DENND5B: variants seen among roughly 807,000 people sequenced by gnomAD.
DENND5B encodes DENN domain containing 5B.
A neutral mutation model predicts 140.6 loss-of-function variants in DENND5B; 34 were observed. The ratio of observed to expected loss-of-function variants is 0.24; its 90% confidence interval spans 0.18 to 0.32. The LOEUF is 0.32. Ranked by LOEUF, DENND5B falls within the 10% of genes least tolerant of loss-of-function variation. DENND5B has a pLI of 1.00. For missense variants in DENND5B, 1,142 were observed against 1,560.2 expected, an observed-to-expected ratio of 0.73 and a Z score of 4.52; for synonymous variants, 551 against 562.1, an observed-to-expected ratio of 0.98 and a Z score of 0.28.
In DENND5B at chr12:31,439,838, G is replaced by A. The variant is rs548032454; in HGVS notation, c.2012+2937C>T. ...CAGCTACTCAGGGAGGCTGAGGCAG[G>A]AGAATCGCTTGAACCTGGGAGGTGG... On this transcript the variant is annotated intron_variant, in intron 7 of 20. Coordinates refer to ENST00000389082, the MANE Select transcript of DENND5B (RefSeq NM_144973.4). Among the ~76,000 whole-genome samples, 10 of 143,392 alleles carry A rather than the reference G, an allele frequency of 7.0e-5. No homozygotes were observed. The South Asian group carries it at 2.1e-3, about 30-fold the overall frequency. 94.1% of individuals were successfully genotyped at this position (143,392 alleles called of 152,430 possible). A position where few individuals can be genotyped will look rare whatever the true frequency, so the allele number is the denominator to read the frequency against.
chr12:31,570,063 C>G (rs1268875941), intron 1 of DENND5B, among the ~76,000 whole-genome samples: 1 of 150,448 alleles, frequency 6.6e-6, no homozygotes, highest in Non-Finnish European at 1.5e-5. Flanking sequence ...GGCATGGTGG[C>G]GGGTGCCTGT....
At chr12:31,476,494 A>C (rs1268483809) in intron 3 of DENND5B, among the ~76,000 whole-genome samples, 1 of 151,866 alleles carries the variant, frequency 6.6e-6, no homozygotes, top group Admixed American at 6.6e-5. Flanking sequence ...AAAAAAAAAA[A>C]ACCCAAACTA....
intron 1 of DENND5B, among the ~76,000 whole-genome samples, chr12:31,538,978 A>T (rs1350870618): frequency 6.6e-6 from 1 of 151,976 alleles, no homozygotes; most frequent in Non-Finnish European, 1.5e-5. Flanking sequence ...TTTTGAAAAA[A>T]AAAATTGACA....
intron 1 of DENND5B, among the ~76,000 whole-genome samples, chr12:31,546,504 T>C (rs912585503): frequency 2.0e-5 from 3 of 152,102 alleles, no homozygotes; most frequent in Non-Finnish European, 4.4e-5. Flanking sequence ...CTGACCAACA[T>C]GGTGAAACCA....
In DENND5B at chr12:31,385,641, T is replaced by C. The variant is rs181635467; in HGVS notation, c.*1962A>G. On this transcript the variant is annotated 3_prime_UTR_variant, in exon 21 of 21. Transcript: ENST00000389082. Reference sequence around the variant, plus strand: ...CTTTAGCTTCAGGCAAACAAATTTCTGGTGTACCCAGAACCATTTTCTTAA... The same window carrying C: ...CTTTAGCTTCAGGCAAACAAATTTCCGGTGTACCCAGAACCATTTTCTTAA... The C allele has an allele frequency of 6.6e-6, 1 of 152,360 alleles. No homozygotes were observed. Among genetic ancestry groups the C allele is most frequent in the Admixed American group, 6.5e-5 (1 of 15,290 alleles). The allele number at this position is 152,360 out of a possible 1,614,324, so 9.4% of individuals were successfully genotyped here.
intron 16 of DENND5B, 52 bp downstream of exon 16, chr12:31,399,602 C>T (rs1941692785): frequency 6.9e-7 from 1 of 1,442,924 alleles, no homozygotes; most frequent in Non-Finnish European, 9.6e-7. Flanking sequence ...CCTTTTCTTA[C>T]CTGAAGAGTC....
rs2078482394 is a variant in DENND5B, at chr12:31,385,559, A to T, written c.*2044T>A. On this transcript the variant is annotated 3_prime_UTR_variant, in exon 21 of 21. Coordinates refer to ENST00000389082, the MANE Select transcript of DENND5B (RefSeq NM_144973.4). The stretch of plus-strand genomic sequence containing the variant: ...GAGCCCAGTGTAAAACAGGTTCTGG[A>T]TATCTCCCACGATAAACTTCCCATG... 1 of 152,254 alleles carries T rather than the reference A, an allele frequency of 6.6e-6. No homozygotes were observed. The highest frequency in any genetic ancestry group is 1.5e-5 in the Non-Finnish European group (1 of 68,078). 9.4% of individuals were successfully genotyped at this position (152,254 alleles called of 1,614,324 possible).
Position 31,480,231 on chromosome 12 carries a change from A to C in DENND5B, c.262T>G (p.Phe88Val). Residue 88 changes from phenylalanine (F) to valine (V), a missense_variant, in exon 3 of 21, where the codon TTC (phenylalanine) becomes GTC (valine). Phe to Val is a conservative substitution (Grantham distance 50). Transcript: ENST00000389082. ...TCTTTATTGTCCGTTTGTGTCCTGA[A>C]AGATAGCCCTTTAGGCATGCACAAC... ...NMLCMPKGLS[F>V]RTQTDNKDPQ... 1 of 1,588,490 alleles carries C rather than the reference A, an allele frequency of 6.3e-7. No individual in the cohort carries two copies. Among genetic ancestry groups the C allele is most frequent in the Non-Finnish European group, 8.6e-7 (1 of 1,167,952 alleles).
At chr12:31,532,839 G>C (rs1948336451) in intron 1 of DENND5B, among the ~76,000 whole-genome samples, 1 of 152,210 alleles carries the variant, frequency 6.6e-6, no homozygotes, top group Admixed American at 6.5e-5. Flanking sequence ...CAGATATGTT[G>C]ATGATTATTT....
chr12:31,466,402 C>T (rs1292358340), intron 3 of DENND5B, among the ~76,000 whole-genome samples: 1 of 151,392 alleles, frequency 6.6e-6, no homozygotes, highest in Non-Finnish European at 1.5e-5. Context: ...GACAGATTAA[C>T]ATGTTTAAGG....
intron 11 of DENND5B, among the ~76,000 whole-genome samples, chr12:31,422,524 C>A (rs1211171266): frequency 6.6e-6 from 1 of 152,094 alleles, no homozygotes; most frequent in Non-Finnish European, 1.5e-5. Context: ...TCACTTGAAC[C>A]TGGGAGGCAG....
intron 17 of DENND5B, among the ~76,000 whole-genome samples, chr12:31,393,835 C>T (rs1027393306): frequency 1.3e-5 from 2 of 152,134 alleles, no homozygotes; most frequent in East Asian, 1.9e-4. Context: ...CTACAGGTGC[C>T]GGCCACCATG....
chr12:31,400,057 C>G (rs1221703652), intron 15 of DENND5B, among the ~76,000 whole-genome samples: 2 of 152,196 alleles, frequency 1.3e-5, no homozygotes, highest in Admixed American at 6.6e-5. Context: ...GGGGAAGGAA[C>G]AGTTACTTCT....
chr12:31,508,924 A>AG (rs1947305973), intron 1 of DENND5B, among the ~76,000 whole-genome samples: 1 of 152,196 alleles, frequency 6.6e-6, no homozygotes, highest in Non-Finnish European at 1.5e-5. Flanking sequence ...TTTTTGAAAT[A>AG]GAAAAAAGTC....
rs531948652 is a variant in DENND5B, at chr12:31,418,863, C to T, written c.2471-3415G>A. On this transcript the variant is annotated intron_variant, in intron 11 of 20. Coordinates refer to ENST00000389082, the MANE Select transcript of DENND5B (RefSeq NM_144973.4). Reference sequence around the variant, plus strand: ...CTATGTTGCCCAGGCTGGTCTCAAACGCCTGGCTCAAGGAATCCTCCCACC... The same window carrying T: ...CTATGTTGCCCAGGCTGGTCTCAAATGCCTGGCTCAAGGAATCCTCCCACC... Among the ~76,000 whole-genome samples, 15 of 152,258 alleles carry T rather than the reference C, an allele frequency of 9.9e-5. No individual in the cohort carries two copies. The Middle Eastern group carries it at 0.01, about 104-fold the overall frequency.
At chr12:31,589,112 C>T (rs1950507579) in intron 1 of DENND5B, among the ~76,000 whole-genome samples, 2 of 152,250 alleles carry the variant, frequency 1.3e-5, no homozygotes, top group East Asian at 3.9e-4. Context: ...AAAATACAGG[C>T]TTTTTTCCTT....
intron 11 of DENND5B, among the ~76,000 whole-genome samples, chr12:31,418,163 A>AT (rs1942846166): frequency 6.6e-6 from 1 of 152,188 alleles, no homozygotes; most frequent in Non-Finnish European, 1.5e-5. Context: ...GGGAGTTTCA[A>AT]TGGGGCACTA....
At chr12:31,549,981 ATGGGATTGT>A (rs1948986102) in intron 1 of DENND5B, among the ~76,000 whole-genome samples, 1 of 152,082 alleles carries the variant, frequency 6.6e-6, no homozygotes, top group African/African-American at 2.4e-5. Flanking sequence ...ATACCCAGTA[ATGGGATTGT>A]TGGGTCAAAT....
intron 3 of DENND5B, chr12:31,465,685 T>C (rs1367731560): frequency 6.6e-6 from 1 of 152,244 alleles, no homozygotes; most frequent in Non-Finnish European, 1.5e-5. Flanking sequence ...GAGCATTATC[T>C]GAATTATGTT....
Sources: gnomAD v4.1 joint callset for allele counts (sites outside exome capture counted in the v4.1 genomes callset) on GRCh38, gnomAD v4.1.1 for gene constraint, MANE v1.5 for transcripts, NCBI Gene and HGNC (gene_info 2026-07-23, HGNC 2026-07-21) for gene names.